Variants in VRK2 observed in about 807,000 individuals in gnomAD.
The protein encoded by VRK2 is serine/threonine-protein kinase VRK2.
Under a neutral mutation model 57.6 loss-of-function variants are expected in VRK2, and 60 were observed. The observed-to-expected ratio is 1.04, with a 90% confidence interval of 0.85 to 1.29. The LOEUF (loss-of-function observed/expected upper bound fraction) is 1.29. Ranked by LOEUF, VRK2 falls within the 50% of genes most tolerant of loss-of-function variation. The pLI is 0.00. For synonymous variants in VRK2, 231 were observed against 199.2 expected, an observed-to-expected ratio of 1.16 and a Z score of -1.35; for missense variants, 705 against 588.1, an observed-to-expected ratio of 1.20 and a Z score of -2.06.
chr2:57,965,596 C>T (rs1299373096), intron 1 of VRK2, among the ~76,000 whole-genome samples: 1 of 152,156 alleles, frequency 6.6e-6, no homozygotes, highest in Non-Finnish European at 1.5e-5. Flanking sequence ...AGGGAGCTTT[C>T]CCTACTTAGT....
chr2:58,080,908 T>C (rs1670770884), intron 2 of VRK2, among the ~76,000 whole-genome samples: 1 of 151,950 alleles, frequency 6.6e-6, no homozygotes, highest in Non-Finnish European at 1.5e-5. Context: ...TATTAGATGC[T>C]TAAAAAATTC....
At chr2:58,139,947 A>T in intron 11 of VRK2, 115 bp downstream of exon 11, 5 of 1,149,810 alleles carry the variant, frequency 4.3e-6, no homozygotes, top group South Asian at 1.9e-5. Context: ...CTTATATTTA[A>T]CTCCCATTTT....
At chr2:58,095,558 TTTC>T (rs915544467) in intron 7 of VRK2, among the ~76,000 whole-genome samples, 14 of 152,204 alleles carry the variant, frequency 9.2e-5, no homozygotes, top group African/African-American at 3.1e-4. Flanking sequence ...TATTCTATTA[TTTC>T]TTATTATTTT....
intron 7 of VRK2, among the ~76,000 whole-genome samples, chr2:58,105,521 C>T (rs1674609262): frequency 6.6e-6 from 1 of 151,726 alleles, no homozygotes; most frequent in Admixed American, 6.6e-5. Flanking sequence ...GTCAGAGTAG[C>T]TATTATGAGA....
chr2:58,152,141 C>T (rs1249641027), intron 12 of VRK2, among the ~76,000 whole-genome samples: 2 of 151,940 alleles, frequency 1.3e-5, no homozygotes, highest in East Asian at 3.9e-4. Context: ...AAACCAGTAT[C>T]CACAATGGTA....
intron 1 of VRK2, among the ~76,000 whole-genome samples, chr2:57,917,903 TCA>T (rs1670210377): frequency 6.6e-6 from 1 of 152,084 alleles, no homozygotes; most frequent in South Asian, 2.1e-4. Context: ...TATTTTACAA[TCA>T]CAGTTTGCAG....
At chr2:58,151,339 A>G (rs897695262) in intron 12 of VRK2, among the ~76,000 whole-genome samples, 5 of 151,780 alleles carry the variant, frequency 3.3e-5, no homozygotes, top group Middle Eastern at 6.8e-3. Flanking sequence ...ATCTTTCTTT[A>G]TATCTATTAA....
chr2:57,971,865 C>A (rs1237459851), intron 1 of VRK2, among the ~76,000 whole-genome samples: 2 of 151,890 alleles, frequency 1.3e-5, no homozygotes, highest in Non-Finnish European at 2.9e-5. Context: ...CATTCCTTAG[C>A]AATCTCAAAG....
At chr2:58,141,667 A>T (rs184641200) in intron 11 of VRK2, among the ~76,000 whole-genome samples, 123 of 152,110 alleles carry the variant, frequency 8.1e-4, no homozygotes, top group African/African-American at 2.9e-3. Context: ...TATATTTAAT[A>T]ATGATAGCAT....
At chr2:58,002,507 G>C (rs1188468358) in intron 1 of VRK2, among the ~76,000 whole-genome samples, 1 of 152,156 alleles carries the variant, frequency 6.6e-6, no homozygotes, top group South Asian at 2.1e-4. Context: ...TATGTGTGAA[G>C]ATAGGTAGTG....
In VRK2 at chr2:58,074,413, G is replaced by C. The variant is rs373404052; in HGVS notation, c.137-9676G>C. On this transcript the variant is annotated intron_variant, in intron 2 of 12. Transcript: ENST00000340157. The stretch of plus-strand genomic sequence containing the variant: ...TTCTCTGTTTTTAATTGAGCATTTT[G>C]TATGACTCCGTTTTCTCTCCTTTCT... 3.3e-4 allele frequency among the ~76,000 whole-genome samples: 50 copies of C among 151,862 alleles called. No homozygotes were observed. In the South Asian group the frequency reaches 9.8e-3, roughly 30 times the overall value.
At chr2:58,051,278 A>C (rs201495819) in intron 2 of VRK2, among the ~76,000 whole-genome samples, 1 of 152,328 alleles carries the variant, frequency 6.6e-6, no homozygotes, top group East Asian at 1.9e-4. Context: ...TAGCAAGTAC[A>C]CACCACTGAG....
chr2:57,929,214 T>C (rs1670639509), intron 1 of VRK2, among the ~76,000 whole-genome samples: 1 of 152,190 alleles, frequency 6.6e-6, no homozygotes, highest in Non-Finnish European at 1.5e-5. Flanking sequence ...GTCAAAAATC[T>C]CAGGAATATA....
intron 7 of VRK2, 81 bp downstream of exon 7, chr2:58,089,804 A>G (rs759138982): frequency 6.3e-6 from 6 of 958,480 alleles, no homozygotes; most frequent in African/African-American, 4.9e-5. Context: ...CTAACCCAGA[A>G]GAGTTTACAA....
chr2:57,971,216 G>A (rs939372461), intron 1 of VRK2, among the ~76,000 whole-genome samples: 1 of 151,944 alleles, frequency 6.6e-6, no homozygotes, highest in East Asian at 1.9e-4. Flanking sequence ...AGGAAATCAG[G>A]TGCAAACTTG....
intron 2 of VRK2, among the ~76,000 whole-genome samples, chr2:58,059,886 A>G (rs183536307): frequency 6.6e-6 from 1 of 151,962 alleles, no homozygotes; most frequent in Admixed American, 6.6e-5. Flanking sequence ...ACTACATTAA[A>G]TACATGTTCT....
chr2:58,022,404 C>T (rs1477396781), intron 1 of VRK2, among the ~76,000 whole-genome samples: 1 of 152,150 alleles, frequency 6.6e-6, no homozygotes, highest in Non-Finnish European at 1.5e-5. Flanking sequence ...GTGAATGCCA[C>T]AGTGCTGATG....
intron 5 of VRK2, among the ~76,000 whole-genome samples, chr2:58,087,338 GA>G (rs1271664431): frequency 6.6e-6 from 1 of 152,150 alleles, no homozygotes; most frequent in Non-Finnish European, 1.5e-5. Context: ...CTGGGGGACT[GA>G]ATGGCTGATT....
intron 1 of VRK2, among the ~76,000 whole-genome samples, chr2:57,909,757 C>T (rs1040157442): frequency 3.3e-5 from 5 of 152,078 alleles, no homozygotes; most frequent in Non-Finnish European, 2.9e-5. Context: ...CCTTCTAACT[C>T]TTAATAGATT....
Sources: gnomAD v4.1 joint callset for allele counts (sites outside exome capture counted in the v4.1 genomes callset) on GRCh38, gnomAD v4.1.1 for gene constraint, MANE v1.5 for transcripts, NCBI Gene and HGNC (gene_info 2026-07-23, HGNC 2026-07-21) for gene names.